The following LRMDA variants were observed in gnomAD, a reference collection of about 807,000 sequenced individuals.
LRMDA encodes the protein leucine-rich melanocyte differentiation-associated protein.
Under a neutral mutation model 29.8 loss-of-function variants are expected in LRMDA, and 18 were observed. The observed-to-expected ratio is 0.60, with a 90% CI of 0.42 to 0.90. LRMDA has a LOEUF of 0.90. Among genes scored for constraint, LRMDA ranks in the 40% least tolerant of loss-of-function variants. The pLI, the probability that LRMDA is intolerant of heterozygous loss-of-function variation, is 0.00. For missense variants in LRMDA, 273 were observed against 273.9 expected (o/e 1.00, Z 0.02); for synonymous variants, 125 against 109.4 (o/e 1.14, Z -0.89).
chr10:76,378,907 A>C (rs1473722375), intron 6 of LRMDA, among the ~76,000 whole-genome samples: 1 of 124,714 alleles, frequency 8.0e-6, no homozygotes, highest in Admixed American at 1.0e-4. Flanking sequence ...CCCACGCTGG[A>C]GTGCAGTGGC....
At chr10:75,509,869 C>T (rs1216545526) in intron 2 of LRMDA, among the ~76,000 whole-genome samples, 1 of 152,218 alleles carries the variant, frequency 6.6e-6, no homozygotes, top group African/African-American at 2.4e-5. Flanking sequence ...TCTTGAGGCT[C>T]TTACAGCCTG....
chr10:76,132,818 G>T (rs909435884), intron 5 of LRMDA, among the ~76,000 whole-genome samples: 2 of 149,472 alleles, frequency 1.3e-5, no homozygotes, highest in Non-Finnish European at 2.9e-5. Context: ...TTTTTGGCGG[G>T]GGGGGTCAGA....
At chr10:75,685,155 A>T (rs1343675816) in intron 2 of LRMDA, among the ~76,000 whole-genome samples, 1 of 152,184 alleles carries the variant, frequency 6.6e-6, no homozygotes, top group African/African-American at 2.4e-5. Context: ...TGCTGCAGTC[A>T]TGCCCTGCTT....
chr10:76,043,426 C>T (rs1848373995), intron 3 of LRMDA, among the ~76,000 whole-genome samples: 1 of 152,118 alleles, frequency 6.6e-6, no homozygotes, highest in Non-Finnish European at 1.5e-5. Context: ...ACAATGTACC[C>T]TTAGGTGGGG....
intron 2 of LRMDA, among the ~76,000 whole-genome samples, chr10:75,637,552 A>G (rs960061101): frequency 6.6e-6 from 1 of 152,144 alleles, no homozygotes; most frequent in Non-Finnish European, 1.5e-5. Flanking sequence ...CACGTGTAGC[A>G]TGTAGTGTGT....
intron 2 of LRMDA, among the ~76,000 whole-genome samples, chr10:75,720,481 G>A (rs918470816): frequency 2.6e-5 from 4 of 152,184 alleles, no homozygotes; most frequent in Non-Finnish European, 5.9e-5. Flanking sequence ...TCTTGGAGAA[G>A]CAGCTTTGTT....
chr10:75,474,315 T>TG (rs1243304427), intron 2 of LRMDA, among the ~76,000 whole-genome samples: 1 of 152,250 alleles, frequency 6.6e-6, no homozygotes, highest in African/African-American at 2.4e-5. Flanking sequence ...ATGGACTGGC[T>TG]GGCTTATGAA....
At chr10:76,327,400 C>CT (rs527856745) in intron 6 of LRMDA, among the ~76,000 whole-genome samples, 158 of 152,232 alleles carry the variant, frequency 1.0e-3, no homozygotes, top group Admixed American at 2.3e-3. Context: ...CTCATCTTCT[C>CT]TTTGACATCA....
At chr10:75,571,060 G>A (rs768239048) in intron 2 of LRMDA, among the ~76,000 whole-genome samples, 3 of 152,190 alleles carry the variant, frequency 2.0e-5, no homozygotes, top group Non-Finnish European at 4.4e-5. Context: ...GGGCATCTAG[G>A]AAGATTTAAA....
At chr10:76,109,350 A>T (rs59775326) in intron 5 of LRMDA, among the ~76,000 whole-genome samples, 3,351 of 152,336 alleles carry the variant, frequency 0.022, 139 homozygotes, top group African/African-American at 0.076. Context: ...TTCCAGGAAT[A>T]TACAGCAAAA....
intron 5 of LRMDA, among the ~76,000 whole-genome samples, chr10:76,091,262 A>T (rs1343592522): frequency 1.3e-5 from 2 of 151,158 alleles, no homozygotes; most frequent in Non-Finnish European, 2.9e-5. Context: ...TTCTCCTGAA[A>T]TAAACATGGT....
intron 2 of LRMDA, among the ~76,000 whole-genome samples, chr10:75,728,923 C>T (rs934465975): frequency 2.6e-5 from 4 of 152,096 alleles, no homozygotes; most frequent in African/African-American, 7.2e-5. Context: ...CCCCTCTCAT[C>T]GTGTCTCAGT....
chr10:75,952,588 TC>T (rs528930039), intron 2 of LRMDA, among the ~76,000 whole-genome samples: 13 of 152,294 alleles, frequency 8.5e-5, no homozygotes, highest in African/African-American at 2.6e-4. Flanking sequence ...AGTAGAGGCC[TC>T]ACTAAGGGTA....
intron 2 of LRMDA, among the ~76,000 whole-genome samples, chr10:75,443,340 A>T (rs1844352347): frequency 6.6e-6 from 1 of 152,092 alleles, no homozygotes; most frequent in African/African-American, 2.4e-5. Flanking sequence ...TGGGCTTGTC[A>T]TATATGGCCT....
Position 76,254,810 on chromosome 10 carries a change from T to C in LRMDA, c.517-69591T>C, listed in dbSNP as rs569975605. ...GCATGATTACCCACCACCGTGAGTT[T>C]AGTTCAAGTTCATTTTATTTTAGAA... is the stretch of plus-strand genomic sequence containing the variant. On this transcript the variant is annotated intron_variant, in intron 5 of 6. Transcript: ENST00000611255. 4.7e-5 allele frequency among the ~76,000 whole-genome samples: 6 copies of C among 128,210 alleles called. No individual in the cohort carries two copies. In the South Asian group the frequency reaches 1.8e-3, roughly 39 times the overall value. 84.1% of individuals were successfully genotyped at this position (128,210 alleles called of 152,430 possible). A position where few individuals can be genotyped will look rare whatever the true frequency, so the allele number is the denominator to read the frequency against.
intron 2 of LRMDA, among the ~76,000 whole-genome samples, chr10:75,974,778 A>G (rs1847041055): frequency 6.6e-6 from 1 of 152,216 alleles, no homozygotes; most frequent in African/African-American, 2.4e-5. Context: ...CTAAAATTTC[A>G]TACCTACAAC....
At chr10:76,445,347 C>G (rs925855447) in intron 6 of LRMDA, among the ~76,000 whole-genome samples, 1 of 152,170 alleles carries the variant, frequency 6.6e-6, no homozygotes, top group Non-Finnish European at 1.5e-5. Context: ...CAGCACAGTC[C>G]CTCTTTGCTT....
At chr10:76,203,459 T>C (rs1851469825) in intron 5 of LRMDA, among the ~76,000 whole-genome samples, 1 of 152,242 alleles carries the variant, frequency 6.6e-6, no homozygotes, top group Non-Finnish European at 1.5e-5. Flanking sequence ...TTTTTTAATC[T>C]CTGTCAGGTC....
chr10:75,658,019 C>T (rs1841700310), intron 2 of LRMDA, among the ~76,000 whole-genome samples: 1 of 152,016 alleles, frequency 6.6e-6, no homozygotes, highest in Non-Finnish European at 1.5e-5. Flanking sequence ...TCCTTTCCTC[C>T]CCTTCTCTCT....
Sources: gnomAD v4.1 joint callset for allele counts (sites outside exome capture counted in the v4.1 genomes callset) on GRCh38, gnomAD v4.1.1 for gene constraint, MANE v1.5 for transcripts, NCBI Gene and HGNC (gene_info 2026-07-23, HGNC 2026-07-21) for gene names.